Variants in PRKCZ observed in about 807,000 individuals in gnomAD.
The protein encoded by PRKCZ is protein kinase C zeta type.
Under a neutral mutation model 79.5 loss-of-function variants are expected in PRKCZ, and 33 were observed. That is an observed-to-expected ratio of 0.41 (90% CI 0.31 to 0.55). The LOEUF (loss-of-function observed/expected upper bound fraction) is 0.55. PRKCZ is among the 20% of genes least tolerant of loss of function. The pLI is 0.19. For missense variants in PRKCZ, 578 were observed against 813.5 expected (o/e 0.71, Z 3.52); for synonymous variants, 342 against 320.9 (o/e 1.07, Z -0.70).
At chr1:2,176,377 AG>A (rs1685504763) in intron 16 of PRKCZ, among the ~76,000 whole-genome samples, 1 of 151,872 alleles carries the variant, frequency 6.6e-6, no homozygotes, top group Non-Finnish European at 1.5e-5. Flanking sequence ...GTCTCCACCC[AG>A]GATGTTTCCA....
At chr1:2,051,072 C>G (rs897519808) in intron 1 of PRKCZ, 2 of 183,852 alleles carry the variant, frequency 1.1e-5, no homozygotes, top group Non-Finnish European at 2.2e-5. Context: ...TTAAAATCAG[C>G]GTTTCCTAAA....
rs74871495 is a variant in PRKCZ, at chr1:2,103,358, A to G, written c.335-31904A>G. 5.8e-3 allele frequency among the ~76,000 whole-genome samples: 877 copies of G among 152,312 alleles called. 12 individuals carry two copies. The highest frequency in any genetic ancestry group is 0.02 in the African/African-American group (842 of 41,550). On this transcript the variant is annotated intron_variant, in intron 4 of 17. Coordinates refer to ENST00000378567, the MANE Select transcript of PRKCZ (RefSeq NM_002744.6). ...CTGCCGCAGTAGTAAGGGTTTATTT[A>G]TCAAGACTGATTTATTTATCAGTTC...
intron 4 of PRKCZ, among the ~76,000 whole-genome samples, chr1:2,087,894 G>T (rs1664808793): frequency 6.6e-6 from 1 of 152,218 alleles, no homozygotes. Flanking sequence ...CGGGAGCCAG[G>T]CAGGTCACTG....
intron 4 of PRKCZ, among the ~76,000 whole-genome samples, chr1:2,130,475 C>A (rs2102983226): frequency 6.6e-6 from 1 of 152,314 alleles, no homozygotes; most frequent in Non-Finnish European, 1.5e-5. Context: ...CCAAAACTCC[C>A]ACCTCGGAGA....
chr1:2,058,949 T>C (rs1422908692), intron 3 of PRKCZ, among the ~76,000 whole-genome samples: 3 of 152,130 alleles, frequency 2.0e-5, no homozygotes, highest in African/African-American at 7.2e-5. Flanking sequence ...TCAATACTTT[T>C]ATGTGTATAC....
Position 2,174,046 on chromosome 1 carries a change from T to C in PRKCZ, c.1405+30T>C. The C allele has an allele frequency of 6.4e-7, 1 of 1,560,500 alleles. No homozygotes were observed. Among genetic ancestry groups the C allele is most frequent in the South Asian group, 1.2e-5 (1 of 84,976 alleles). ...GTGCCCCGCTGTGCGTTCGTACCCC[T>C]CACCTGCACGACTGTCTTCCTTCCT... On this transcript the variant is annotated intron_variant, in intron 14 of 17. Coordinates refer to ENST00000378567, the MANE Select transcript of PRKCZ (RefSeq NM_002744.6). The surrounding 1 kb of genome is among the most constrained non-coding windows in gnomAD (Gnocchi z 6.2).
At chr1:2,063,725 C>G (rs923352820) in intron 4 of PRKCZ, among the ~76,000 whole-genome samples, 1 of 152,060 alleles carries the variant, frequency 6.6e-6, no homozygotes, top group Admixed American at 6.6e-5. Flanking sequence ...CAGCTCTTGT[C>G]GTTTTCTGTT....
intron 7 of PRKCZ, among the ~76,000 whole-genome samples, chr1:2,148,259 C>A (rs1197861623): frequency 6.6e-6 from 1 of 151,412 alleles, no homozygotes; most frequent in Non-Finnish European, 1.5e-5. Flanking sequence ...TGTCCACTGA[C>A]CTCTCCATCT....
chr1:2,090,177 G>GGCAT (rs1419927760), intron 4 of PRKCZ, among the ~76,000 whole-genome samples: 6 of 152,168 alleles, frequency 3.9e-5, no homozygotes, highest in Admixed American at 1.3e-4. Context: ...TGTAAATAAG[G>GGCAT]GCATGTTCTG....
At chr1:2,118,629 G>C (rs1671224373) in intron 4 of PRKCZ, among the ~76,000 whole-genome samples, 1 of 152,078 alleles carries the variant, frequency 6.6e-6, no homozygotes, top group South Asian at 2.1e-4. Context: ...GAGCCACTGT[G>C]CCCGGCCAAA....
chr1:2,132,419 T>C (rs762180076), intron 4 of PRKCZ, among the ~76,000 whole-genome samples: 5 of 152,146 alleles, frequency 3.3e-5, no homozygotes, highest in African/African-American at 1.2e-4. Context: ...GAGCAAATGG[T>C]CCTCGTTTCT....
chr1:2,133,776 G>A (rs1675556188), intron 4 of PRKCZ: 1 of 152,524 alleles, frequency 6.6e-6, no homozygotes, highest in African/African-American at 2.4e-5. Flanking sequence ...TCTTCAGAGA[G>A]GGTTGTTGGG....
intron 1 of PRKCZ, among the ~76,000 whole-genome samples, chr1:2,053,989 C>T (rs1659926614): frequency 6.6e-6 from 1 of 152,144 alleles, no homozygotes; most frequent in South Asian, 2.1e-4. Flanking sequence ...GTCTGTCCCC[C>T]AGGCCCAGGT....
chr1:2,085,444 G>A (rs1193172174), intron 4 of PRKCZ, among the ~76,000 whole-genome samples: 1 of 152,256 alleles, frequency 6.6e-6, no homozygotes, highest in Admixed American at 6.5e-5. Flanking sequence ...TACTCCTGGC[G>A]GGGCTAGGGC....
chr1:2,069,902 C>T (rs537767479), intron 4 of PRKCZ, among the ~76,000 whole-genome samples: 2 of 152,292 alleles, frequency 1.3e-5, no homozygotes, highest in East Asian at 1.9e-4. Context: ...ACAGGGTGGT[C>T]CCCAGTCAGG....
chr1:2,140,202 A>C (rs1459813085), intron 5 of PRKCZ, among the ~76,000 whole-genome samples: 1 of 152,220 alleles, frequency 6.6e-6, no homozygotes, highest in Non-Finnish European at 1.5e-5. Context: ...CCTGATGATA[A>C]ATAAATCAGG....
In PRKCZ at chr1:2,165,392, T is replaced by C. The variant is rs1557718320; in HGVS notation, c.975-4126T>C. Among the ~76,000 whole-genome samples the C allele has an allele frequency of 6.6e-6, 1 of 152,124 alleles. No individual in the cohort carries two copies. Among genetic ancestry groups the C allele is most frequent in the Non-Finnish European group, 1.5e-5 (1 of 68,022 alleles). On this transcript the variant is annotated intron_variant, in intron 10 of 17. Transcript: ENST00000378567. The surrounding 1 kb of genome is among the most constrained non-coding windows in gnomAD (Gnocchi z 4.1). ...ATGTTGGGTCTGACAAGCCAGGAGC[T>C]GTGTGAGCCGGAGAACGTCCCCTAA...
chr1:2,184,785 T>A, intron 17 of PRKCZ, 87 bp downstream of exon 17: 4 of 1,429,148 alleles, frequency 2.8e-6, no homozygotes, highest in Non-Finnish European at 3.9e-6. Flanking sequence ...TGACCCAGCC[T>A]GCCCTTGAGT....
chr1:2,171,187 C>A (rs950109282), intron 11 of PRKCZ, among the ~76,000 whole-genome samples: 1 of 151,502 alleles, frequency 6.6e-6, no homozygotes, highest in Admixed American at 6.6e-5. Flanking sequence ...ACTAAAAATA[C>A]AAAAAATTAT....
Sources: gnomAD v4.1 joint callset for allele counts (sites outside exome capture counted in the v4.1 genomes callset) on GRCh38, gnomAD v4.1.1 for gene constraint, Gnocchi (gnomAD v3.1) non-coding constraint, MANE v1.5 for transcripts, NCBI Gene and HGNC (gene_info 2026-07-23, HGNC 2026-07-21) for gene names.